Variants in RARB observed in about 807,000 individuals in gnomAD.
The protein encoded by RARB is HBV-activated protein.
A neutral mutation model predicts 51.9 loss-of-function variants in RARB; 17 were observed. That is an observed-to-expected ratio of 0.33 (90% CI 0.22 to 0.49). The LOEUF is 0.49. RARB is among the 20% of genes least tolerant of loss of function. The pLI is 0.99. For synonymous variants in RARB, 215 were observed against 195.4 expected (o/e 1.10, Z -0.84); for missense variants, 369 against 550.8 (o/e 0.67, Z 3.30).
intron 5 of RARB, among the ~76,000 whole-genome samples, chr3:25,191,641 A>G (rs2125363981): frequency 6.6e-6 from 1 of 152,282 alleles, no homozygotes; most frequent in Non-Finnish European, 1.5e-5. Context: ...TAAGCTGGGC[A>G]ATAACTAAGT....
intron 5 of RARB, among the ~76,000 whole-genome samples, chr3:25,413,319 T>G (rs1314434686): frequency 1.3e-5 from 2 of 152,256 alleles, no homozygotes; most frequent in African/African-American, 2.4e-5. Context: ...TTGTTTGTTC[T>G]CATTGCTGGA....
chr3:25,009,037 C>G (rs1468922065), intron 2 of RARB, among the ~76,000 whole-genome samples: 2 of 152,090 alleles, frequency 1.3e-5, no homozygotes, highest in African/African-American at 2.4e-5. Context: ...GCAGAGTGAC[C>G]TGCTAAGAAG....
chr3:25,157,606 A>G (rs55642444), intron 4 of RARB, among the ~76,000 whole-genome samples: 9,728 of 152,104 alleles, frequency 0.064, 416 homozygotes, highest in Non-Finnish European at 0.099. Context: ...CATGTTGACC[A>G]GGCTCGTCTC....
chr3:24,833,338 C>T (rs1408767328), intron 1 of RARB: 1 of 152,208 alleles, frequency 6.6e-6, no homozygotes, highest in Non-Finnish European at 1.5e-5. Context: ...ATGATCTCAT[C>T]TCTAAATAAA....
rs887127397 is a variant in RARB, at chr3:25,066,753, A to C, written c.-328+6577A>C. On this transcript the variant is annotated intron_variant, in intron 3 of 11. Coordinates refer to the RARB transcript ENST00000383772. ...GAAAATTCCAAAAATACCAAAAAAA[A>C]ACAGAAAAATAAAATAAAAATTATC... Among the ~76,000 whole-genome samples the C allele has an allele frequency of 3.9e-5, 6 of 152,294 alleles. No individual in the cohort carries two copies. In the South Asian group the frequency reaches 1.0e-3, roughly 26 times the overall value.
intron 2 of RARB, among the ~76,000 whole-genome samples, chr3:24,899,346 G>T (rs6783623): frequency 6.6e-6 from 1 of 152,076 alleles, no homozygotes; most frequent in Non-Finnish European, 1.5e-5. Context: ...TGAGAACCAC[G>T]AAGGAGTGGA....
At chr3:24,865,084 G>A (rs1404068108) in intron 2 of RARB, among the ~76,000 whole-genome samples, 2 of 152,110 alleles carry the variant, frequency 1.3e-5, no homozygotes, top group African/African-American at 4.8e-5. Context: ...CCTATTATAT[G>A]ACAAGTTCTG....
At chr3:25,444,191 C>T (rs2125533456) in intron 1 of RARB, among the ~76,000 whole-genome samples, 1 of 152,256 alleles carries the variant, frequency 6.6e-6, no homozygotes, top group East Asian at 1.9e-4. Flanking sequence ...ACGCAGATTC[C>T]TAGGCACTGA....
intron 3 of RARB, among the ~76,000 whole-genome samples, chr3:25,514,672 C>G (rs936945129): frequency 2.0e-5 from 3 of 152,212 alleles, no homozygotes; most frequent in African/African-American, 7.2e-5. Context: ...TTTGGTTTAG[C>G]AACATTGTTT....
intron 5 of RARB, among the ~76,000 whole-genome samples, chr3:25,325,785 G>A (rs1329348264): frequency 1.3e-5 from 2 of 150,984 alleles, no homozygotes; most frequent in African/African-American, 2.4e-5. Context: ...TTCAGTTTGG[G>A]GGTTGTTGGG....
chr3:25,357,889 C>T (rs1320017702), intron 5 of RARB, among the ~76,000 whole-genome samples: 6 of 152,156 alleles, frequency 3.9e-5, no homozygotes, highest in African/African-American at 1.2e-4. Context: ...GTACCAGTAC[C>T]ATGCTGTTTC....
At chr3:25,253,415 G>A (rs1364347400) in intron 5 of RARB, among the ~76,000 whole-genome samples, 2 of 152,116 alleles carry the variant, frequency 1.3e-5, no homozygotes, top group Non-Finnish European at 2.9e-5. Context: ...ACTCTATGGT[G>A]TGTCTGCCCA....
rs545114589 is a variant in RARB, at chr3:25,284,060, C to A, written c.178+109485C>A. 7.2e-5 allele frequency among the ~76,000 whole-genome samples: 11 copies of A among 152,288 alleles called. No homozygotes were observed. In the East Asian group the frequency reaches 7.7e-4, roughly 11 times the overall value. ...GGCAATCTCTCTCCTTCCCTTCATTCCTCCCTCCTTCTCATTTTGCTGCAT... is the reference window on the plus strand; with the variant it reads ...GGCAATCTCTCTCCTTCCCTTCATTACTCCCTCCTTCTCATTTTGCTGCAT... On this transcript the variant is annotated intron_variant, in intron 5 of 11. Coordinates refer to the RARB transcript ENST00000383772.
rs376913293 is a variant in RARB at position 25,163,241 on chromosome 3, C to T, written c.-279-10878C>T. Among the ~76,000 whole-genome samples the T allele has an allele frequency of 2.6e-5, 4 of 152,192 alleles. No homozygotes were observed. In the East Asian group the frequency reaches 5.8e-4, roughly 22 times the overall value. On this transcript the variant is annotated intron_variant, in intron 4 of 11. Coordinates refer to the RARB transcript ENST00000383772. ...TAATTATTTGTGGTGTGGTGGCTCA[C>T]GCCTATGATCCCGGCACTTCAGGAG...
intron 5 of RARB, among the ~76,000 whole-genome samples, chr3:25,339,612 C>G (rs1257385954): frequency 2.7e-5 from 4 of 149,682 alleles, no homozygotes; most frequent in Non-Finnish European, 5.9e-5. Context: ...CACTGTTTGC[C>G]TAATTTGAGA....
chr3:24,933,384 T>G (rs905108096), intron 2 of RARB, among the ~76,000 whole-genome samples: 3 of 152,110 alleles, frequency 2.0e-5, no homozygotes, highest in Admixed American at 6.6e-5. Flanking sequence ...TTTAAAAAAT[T>G]TCCATAGGTG....
intron 5 of RARB, among the ~76,000 whole-genome samples, chr3:25,582,176 A>G (rs1354280157): frequency 6.6e-6 from 1 of 152,222 alleles, no homozygotes; most frequent in Admixed American, 6.5e-5. Context: ...CGAATCAATA[A>G]TGATGTTAAC....
At chr3:25,169,310 C>T (rs1041600233) in intron 4 of RARB, among the ~76,000 whole-genome samples, 3 of 152,174 alleles carry the variant, frequency 2.0e-5, no homozygotes, top group Admixed American at 2.0e-4. Context: ...GACATCAGTG[C>T]ATGTGGCTAG....
intron 3 of RARB, among the ~76,000 whole-genome samples, chr3:25,072,409 C>G (rs1029326974): frequency 6.6e-6 from 1 of 152,098 alleles, no homozygotes; most frequent in Admixed American, 6.6e-5. Flanking sequence ...AGCTGAGCAA[C>G]CAGTCACTGT....
Sources: allele counts gnomAD v4.1 joint callset (sites outside exome capture counted in the v4.1 genomes callset), GRCh38; gene constraint gnomAD v4.1.1; transcripts MANE v1.5; gene names NCBI Gene and HGNC (gene_info 2026-07-23, HGNC 2026-07-21).